Variants in VPS41 observed in about 807,000 individuals in gnomAD.
VPS41 encodes vacuolar protein sorting-associated protein 41 homolog.
In VPS41, 85 loss-of-function variants were observed where a neutral mutation model predicts 130.9. That is an observed-to-expected ratio of 0.65 (90% CI 0.55 to 0.78). VPS41 has a LOEUF of 0.78. Among genes scored for constraint, VPS41 ranks in the 30% least tolerant of loss-of-function variants. The probability of loss-of-function intolerance (pLI) is 0.00; values close to 1 mark genes in which losing one functional copy is unlikely to be tolerated. For synonymous variants in VPS41, 335 were observed against 332.9 expected (o/e 1.01, Z -0.07); for missense variants, 874 against 1,018.7 (o/e 0.86, Z 1.93).
intron 17 of VPS41, among the ~76,000 whole-genome samples, chr7:38,761,989 AAAG>A (rs1437313362): frequency 1.3e-5 from 2 of 152,188 alleles, no homozygotes; most frequent in African/African-American, 2.4e-5. Context: ...ATGCTCAGGG[AAAG>A]AAGAAAGTTT....
chr7:38,839,739 G>A (rs116576439), intron 4 of VPS41, among the ~76,000 whole-genome samples: 1,924 of 152,120 alleles, frequency 0.013, 44 homozygotes, highest in African/African-American at 0.043. Flanking sequence ...GTGAGCCACC[G>A]TTCTGCCCGG....
chr7:38,750,657 T>C (rs1408071369), intron 22 of VPS41, among the ~76,000 whole-genome samples: 1 of 152,190 alleles, frequency 6.6e-6, no homozygotes, highest in African/African-American at 2.4e-5. Context: ...AACATTCTGC[T>C]GCTCCCTACT....
At chr7:38,852,803 T>C (rs557859411) in intron 4 of VPS41, among the ~76,000 whole-genome samples, 1 of 152,298 alleles carries the variant, frequency 6.6e-6, no homozygotes, top group African/African-American at 2.4e-5. Context: ...TGTTAAACCA[T>C]ATGCACAGAC....
At chr7:38,842,978 C>T (rs146677847) in intron 4 of VPS41, among the ~76,000 whole-genome samples, 2 of 152,272 alleles carry the variant, frequency 1.3e-5, no homozygotes, top group Non-Finnish European at 2.9e-5. Context: ...CCCAAGGGAA[C>T]AAGAACCACA....
intron 2 of VPS41, among the ~76,000 whole-genome samples, chr7:38,882,660 C>T (rs949035176): frequency 1.3e-5 from 2 of 152,210 alleles, no homozygotes; most frequent in African/African-American, 4.8e-5. Context: ...CTAACTCTAG[C>T]CAGAGTCCTC....
chr7:38,753,445 G>A (rs571192511), intron 21 of VPS41, among the ~76,000 whole-genome samples: 6 of 152,144 alleles, frequency 3.9e-5, no homozygotes, highest in Admixed American at 6.5e-5. Context: ...GAACACCACC[G>A]CCAGTCCACT....
At chr7:38,907,299 C>T (rs1316270326) in intron 1 of VPS41, among the ~76,000 whole-genome samples, 1 of 152,054 alleles carries the variant, frequency 6.6e-6, no homozygotes, top group African/African-American at 2.4e-5. Context: ...ACCTGCCTGG[C>T]TTTTTGAAGA....
chr7:38,753,203 T>C (rs1052301875), intron 21 of VPS41, among the ~76,000 whole-genome samples: 3 of 152,164 alleles, frequency 2.0e-5, no homozygotes, highest in African/African-American at 4.8e-5. Context: ...CTTGGGTTGC[T>C]GTTTCCAAGT....
At chr7:38,811,932 T>C (rs932496649) in intron 7 of VPS41, among the ~76,000 whole-genome samples, 6 of 152,138 alleles carry the variant, frequency 3.9e-5, no homozygotes, top group Non-Finnish European at 7.4e-5. Flanking sequence ...ATATATTCAA[T>C]GCTTTATTAT....
At chr7:38,780,475 AAGAC>A (rs1784336976) in intron 10 of VPS41, among the ~76,000 whole-genome samples, 2 of 152,138 alleles carry the variant, frequency 1.3e-5, no homozygotes, top group African/African-American at 4.8e-5. Flanking sequence ...CTCAAGAAAA[AAGAC>A]AGAGATTCTA....
chr7:38,821,706 C>CAAAAA (rs10669199), intron 5 of VPS41, among the ~76,000 whole-genome samples: 4 of 117,540 alleles, frequency 3.4e-5, no homozygotes, highest in South Asian at 6.0e-4. Context: ...GACTCCGTCT[C>CAAAAA]AAAAAAAAAA....
intron 7 of VPS41, among the ~76,000 whole-genome samples, chr7:38,813,134 G>A (rs1263224973): frequency 3.3e-5 from 5 of 152,034 alleles, no homozygotes; most frequent in East Asian, 1.9e-4. Flanking sequence ...TCAATCAAGC[G>A]ACAAACGGAT....
At chr7:38,842,191 AG>A (rs1785622125) in intron 4 of VPS41, among the ~76,000 whole-genome samples, 1 of 152,122 alleles carries the variant, frequency 6.6e-6, no homozygotes, top group South Asian at 2.1e-4. Context: ...AGCAATCAAA[AG>A]TCACTAAGTC....
intron 7 of VPS41, among the ~76,000 whole-genome samples, chr7:38,798,675 G>A (rs773204351): frequency 8.5e-5 from 13 of 152,074 alleles, no homozygotes; most frequent in Non-Finnish European, 1.3e-4. Flanking sequence ...GTGATCGTCC[G>A]AAATGGGTGA....
chr7:38,845,694 G>A (rs913819710), intron 4 of VPS41, among the ~76,000 whole-genome samples: 2 of 152,188 alleles, frequency 1.3e-5, no homozygotes, highest in Non-Finnish European at 2.9e-5. Context: ...ACCAGTCTGA[G>A]CAATGGCATA....
At chr7:38,740,898 C>A (rs1267741132) in intron 25 of VPS41, among the ~76,000 whole-genome samples, 1 of 152,104 alleles carries the variant, frequency 6.6e-6, no homozygotes, top group African/African-American at 2.4e-5. Context: ...TGACCTTTAC[C>A]ATCATCCCAC....
intron 4 of VPS41, among the ~76,000 whole-genome samples, chr7:38,832,643 C>T (rs929422): frequency 0.72 from 108,676 of 151,976 alleles, 40,511 homozygotes; most frequent in African/African-American, 0.91. Flanking sequence ...TTCTCAAGTA[C>T]TTATTCTTGT....
At chr7:38,777,054 C>A (rs538380562) in intron 10 of VPS41, among the ~76,000 whole-genome samples, 1 of 152,226 alleles carries the variant, frequency 6.6e-6, no homozygotes, top group Admixed American at 6.5e-5. Flanking sequence ...TGACACTGTG[C>A]TTAGGTAGTT....
At chr7:38,824,876 G>A (rs1785240891) in intron 5 of VPS41, among the ~76,000 whole-genome samples, 2 of 152,190 alleles carry the variant, frequency 1.3e-5, no homozygotes, top group African/African-American at 4.8e-5. Flanking sequence ...AACAAATGAT[G>A]CATAAGCCTG....
Sources: allele counts gnomAD v4.1 joint callset (sites outside exome capture counted in the v4.1 genomes callset), GRCh38; gene constraint gnomAD v4.1.1; transcripts MANE v1.5; gene names NCBI Gene and HGNC (gene_info 2026-07-23, HGNC 2026-07-21).